ZDHHC9: variants seen among roughly 807,000 people sequenced by gnomAD.
The protein encoded by ZDHHC9 is zDHHC palmitoyltransferase 9.
A neutral mutation model predicts 26.6 loss-of-function variants in ZDHHC9; 3 were observed. The observed-to-expected ratio is 0.11, with a 90% CI of 0.05 to 0.29. The LOEUF is 0.29. Ranked by LOEUF, ZDHHC9 falls within the 10% of genes least tolerant of loss-of-function variation. ZDHHC9 has a pLI of 1.00. For missense variants in ZDHHC9, 146 were observed against 296.4 expected (o/e 0.49, Z 3.73); for synonymous variants, 111 against 109.4 (o/e 1.01, Z -0.09).
At chrX:129,814,000 TG>T (rs904619697) in intron 6 of ZDHHC9, among the ~76,000 whole-genome samples, 1 of 111,872 alleles carries the variant, frequency 8.9e-6, no homozygotes, top group African/African-American at 3.3e-5. Flanking sequence ...CCCCCAACTA[TG>T]GACATGTTAG....
chrX:129,810,459 A>C (rs1175000065), intron 10 of ZDHHC9, among the ~76,000 whole-genome samples: 6 of 111,748 alleles, frequency 5.4e-5, no homozygotes, highest in Non-Finnish European at 1.1e-4. Flanking sequence ...ACTTTTGCAT[A>C]TTCCAGTTAG....
intron 4 of ZDHHC9, among the ~76,000 whole-genome samples, chrX:129,826,786 T>C (rs1928025636): frequency 9.0e-6 from 1 of 111,666 alleles, no homozygotes; most frequent in African/African-American, 3.3e-5. Flanking sequence ...CCCAAATAGT[T>C]ATAGCTCACA....
intron 3 of ZDHHC9, among the ~76,000 whole-genome samples, chrX:129,837,907 T>C (rs1402856742): frequency 8.9e-6 from 1 of 112,339 alleles, no homozygotes; most frequent in Non-Finnish European, 1.9e-5. Flanking sequence ...AATACCACGA[T>C]AGCCTTTCAG....
intron 5 of ZDHHC9, 123 bp from the exon 6 acceptor site, chrX:129,814,918 AG>A: frequency 2.8e-6 from 2 of 710,917 alleles, no homozygotes; most frequent in Non-Finnish European, 4.0e-6. Flanking sequence ...TAAAAAATAT[AG>A]GGTTTTTTTT....
rs766780497 is a variant in ZDHHC9 at position 129,814,764 on chromosome X, C to T, written c.519G>A (p.Gly173=). The change falls in exon 6 of 11, where the codon GGG becomes GGA. Residue 173 remains glycine, a synonymous_variant. Coordinates refer to ENST00000357166, the MANE Select transcript of ZDHHC9 (RefSeq NM_016032.4). ...ERFDHHCPWV[G]NCVGKRNYRY... Reference sequence around the variant, plus strand: ...GGTAGTTCCTCTTTCCAACACAATTCCCCACCCAGGGGCAGTGATGGTCGA... The same window carrying T: ...GGTAGTTCCTCTTTCCAACACAATTTCCCACCCAGGGGCAGTGATGGTCGA... 20 of 1,211,059 alleles carry T rather than the reference C, an allele frequency of 1.7e-5. No homozygotes were observed. The highest frequency in any genetic ancestry group is 3.0e-5 in the East Asian group (1 of 33,810).
At chrX:129,808,607 C>T (rs890336399) in intron 10 of ZDHHC9, among the ~76,000 whole-genome samples, 1 of 111,719 alleles carries the variant, frequency 9.0e-6, no homozygotes, top group Non-Finnish European at 1.9e-5. Flanking sequence ...AACTGTACAG[C>T]TCTTACAAGA....
At chrX:129,827,794 A>G (rs1928051394) in intron 4 of ZDHHC9, among the ~76,000 whole-genome samples, 1 of 70,473 alleles carries the variant, frequency 1.4e-5, no homozygotes, top group African/African-American at 4.0e-5. Context: ...ATGTTCCCCT[A>G]AAGCAGCGTT....
chrX:129,836,148 T>C (rs1928256036), intron 3 of ZDHHC9, among the ~76,000 whole-genome samples: 1 of 112,242 alleles, frequency 8.9e-6, no homozygotes, highest in Non-Finnish European at 1.9e-5. Context: ...AACATTCTGG[T>C]ATGTCAAAGT....
At chrX:129,825,774 A>G (rs765059183) in intron 4 of ZDHHC9, among the ~76,000 whole-genome samples, 5 of 112,084 alleles carry the variant, frequency 4.5e-5, no homozygotes, top group Non-Finnish European at 9.4e-5. Context: ...GCAGTAATAC[A>G]TGAAGTTGCC....
At chrX:129,842,956 C>T (rs1022798977) in intron 2 of ZDHHC9, among the ~76,000 whole-genome samples, 4 of 112,354 alleles carry the variant, frequency 3.6e-5, no homozygotes, top group African/African-American at 1.3e-4. Context: ...TCCTAAGTAC[C>T]ATCTCTACTC....
intron 5 of ZDHHC9, among the ~76,000 whole-genome samples, chrX:129,817,387 G>C (rs1206704117): frequency 9.1e-6 from 1 of 110,245 alleles, no homozygotes; most frequent in African/African-American, 3.3e-5. Flanking sequence ...GGGAGGCGGA[G>C]GTTGCAGTGA....
rs771757001 is a variant in ZDHHC9, at chrX:129,805,308, T to C, written c.*1062A>G. On this transcript the variant is annotated 3_prime_UTR_variant, in exon 11 of 11. Coordinates refer to ENST00000357166, the MANE Select transcript of ZDHHC9 (RefSeq NM_016032.4). ...GGCTTTCCCTCACTCAGCCGAGGCT[T>C]AATGGAAGAACTGGTTAGCATTTTT... 9.0e-6 allele frequency: 1 copy of C among 110,833 alleles called. No homozygotes were observed. Among genetic ancestry groups the C allele is most frequent in the Non-Finnish European group, 1.9e-5 (1 of 52,911 alleles). 9.1% of individuals were successfully genotyped at this position (110,833 alleles called of 1,213,427 possible).
chrX:129,814,843 A>G, intron 5 of ZDHHC9, 48 bp from the exon 6 acceptor site: 5 of 1,198,444 alleles, frequency 4.2e-6, no homozygotes, highest in Non-Finnish European at 5.7e-6. Context: ...CAGAACAAAA[A>G]TCAACCCCAC....
Position 129,818,004 on chromosome X carries a change from C to T in ZDHHC9, c.488-3209G>A, listed in dbSNP as rs778650622. ...TATGGAATGAACTGTACCCCCACTCCCCAGTTCCATATGTTGAAGCCCTAA... is the reference window on the plus strand; with the variant it reads ...TATGGAATGAACTGTACCCCCACTCTCCAGTTCCATATGTTGAAGCCCTAA... On this transcript the variant is annotated intron_variant, in intron 5 of 10. Transcript: ENST00000357166. 6.5e-4 allele frequency among the ~76,000 whole-genome samples: 72 copies of T among 111,543 alleles called. 1 individual carries two copies. Among genetic ancestry groups the T allele is most frequent in the African/African-American group, 2.3e-3 (72 of 30,720 alleles).
At chrX:129,837,193 C>A (rs1361166562) in intron 3 of ZDHHC9, among the ~76,000 whole-genome samples, 2 of 111,592 alleles carry the variant, frequency 1.8e-5, no homozygotes, top group Non-Finnish European at 3.8e-5. Flanking sequence ...TTAAGTACAT[C>A]TAGAATGTTT....
At chrX:129,816,126 C>T (rs760396328) in intron 5 of ZDHHC9, among the ~76,000 whole-genome samples, 1 of 112,054 alleles carries the variant, frequency 8.9e-6, no homozygotes, top group Admixed American at 9.5e-5. Context: ...GAACTGCGTG[C>T]GTCCACTTGT....
chrX:129,836,874 C>A (rs992881172), intron 3 of ZDHHC9, among the ~76,000 whole-genome samples: 9 of 112,450 alleles, frequency 8.0e-5, no homozygotes, highest in Non-Finnish European at 1.7e-4. Context: ...AACACACACA[C>A]TAGCTCGCAA....
intron 3 of ZDHHC9, among the ~76,000 whole-genome samples, chrX:129,834,282 T>G (rs916245549): frequency 9.0e-5 from 10 of 111,556 alleles, no homozygotes; most frequent in Admixed American, 4.8e-4. Flanking sequence ...AGCCACCCAG[T>G]CGATGGTAGT....
At chrX:129,841,717 C>G in intron 3 of ZDHHC9, 62 bp downstream of exon 3, 11 of 1,194,499 alleles carry the variant, frequency 9.2e-6, no homozygotes, top group Non-Finnish European at 1.2e-5. Context: ...CCCCAGAAAG[C>G]AGGTTCTTCC....
Sources: gnomAD v4.1 joint callset for allele counts (sites outside exome capture counted in the v4.1 genomes callset) on GRCh38, gnomAD v4.1.1 for gene constraint, MANE v1.5 for transcripts, NCBI Gene and HGNC (gene_info 2026-07-23, HGNC 2026-07-21) for gene names.